TAX1BP1: variants seen among roughly 807,000 people sequenced by gnomAD.
TAX1BP1 encodes the protein tax1-binding protein 1.
TAX1BP1 carries 62 observed loss-of-function variants against 97.7 expected under a neutral mutation model. The observed-to-expected ratio is 0.63, with a 90% CI of 0.52 to 0.78. The LOEUF (loss-of-function observed/expected upper bound fraction) is 0.78. Ranked by LOEUF, TAX1BP1 falls within the 30% of genes least tolerant of loss-of-function variation. TAX1BP1 has a pLI of 0.00. For missense variants in TAX1BP1, 867 were observed against 916.1 expected (o/e 0.95, Z 0.69); for synonymous variants, 340 against 304.2 (o/e 1.12, Z -1.23).
rs1469308891 is a variant in TAX1BP1, at chr7:27,816,966, C to G, written c.2013C>G (p.Asp671Glu). 1.2e-6 allele frequency: 2 copies of G among 1,613,964 alleles called. No homozygotes were observed. Among genetic ancestry groups the G allele is most frequent in the Non-Finnish European group, 1.7e-6 (2 of 1,179,998 alleles). ...PVRVPSWGLE[D>E]NVVCSQPARN... ...GAGTCCCCTCTTGGGGACTGGAAGACAATGTTGTCTGCAGCCAGCCTGCTC... is the reference window on the plus strand; with the variant it reads ...GAGTCCCCTCTTGGGGACTGGAAGAGAATGTTGTCTGCAGCCAGCCTGCTC... The change falls in exon 15 of 17, where the codon GAC becomes GAG. Residue 671 changes from aspartate (D) to glutamate (E), a missense_variant. Asp to Glu is a conservative substitution (Grantham distance 45). Coordinates refer to ENST00000396319, the MANE Select transcript of TAX1BP1 (RefSeq NM_006024.7).
intron 12 of TAX1BP1, among the ~76,000 whole-genome samples, chr7:27,799,069 G>A (rs988648414): frequency 6.6e-6 from 1 of 152,002 alleles, no homozygotes; most frequent in African/African-American, 2.4e-5. Context: ...ACCTTCTAAG[G>A]AATGTTTGCC....
chr7:27,813,104 G>A (rs371671416), intron 13 of TAX1BP1, among the ~76,000 whole-genome samples: 3 of 146,264 alleles, frequency 2.1e-5, no homozygotes, highest in African/African-American at 5.0e-5. Flanking sequence ...TTTATAATAC[G>A]TCTTGAAATC....
chr7:27,749,806 T>C (rs766465028), intron 2 of TAX1BP1, among the ~76,000 whole-genome samples: 2 of 152,146 alleles, frequency 1.3e-5, no homozygotes, highest in Non-Finnish European at 2.9e-5. Flanking sequence ...TATTTCTTAT[T>C]TTTTGAGACA....
chr7:27,793,072 A>G lies in TAX1BP1; in HGVS notation c.1270A>G (p.Thr424Ala). Residue 424 changes from threonine (T) to alanine (A), a missense_variant, in exon 10 of 17, where the codon ACT (threonine) becomes GCT (alanine). By Grantham distance (58) the Thr-to-Ala change is moderately conservative (BLOSUM62 0). Coordinates refer to ENST00000396319, the MANE Select transcript of TAX1BP1 (RefSeq NM_006024.7). ...LNAMKKDQDK[T>A]DTLEHELRRE... ...AATGTTTGTTTCTTTCTAGGACAAG[A>G]CTGATACACTGGAACACGAACTAAG... 1.3e-6 allele frequency: 2 copies of G among 1,599,014 alleles called. No homozygotes were observed. The highest frequency in any genetic ancestry group is 8.5e-7 in the Non-Finnish European group (1 of 1,176,588).
intron 5 of TAX1BP1, among the ~76,000 whole-genome samples, chr7:27,777,092 A>C (rs1789062903): frequency 6.6e-6 from 1 of 152,080 alleles, no homozygotes; most frequent in African/African-American, 2.4e-5. Context: ...ATGTCCGTTC[A>C]TTAACTTGAT....
At chr7:27,804,700 A>G (rs780158254) in intron 13 of TAX1BP1, among the ~76,000 whole-genome samples, 5 of 152,200 alleles carry the variant, frequency 3.3e-5, no homozygotes, top group Admixed American at 1.3e-4. Flanking sequence ...CAGATGGGGA[A>G]TTGTCTACTT....
At chr7:27,790,027 T>G (rs2128317396) in intron 8 of TAX1BP1, among the ~76,000 whole-genome samples, 1 of 152,060 alleles carries the variant, frequency 6.6e-6, no homozygotes, top group African/African-American at 2.4e-5. Context: ...TTTGAGGTGA[T>G]GGTTATAAAA....
At chr7:27,801,282 T>C (rs1257834882) in intron 13 of TAX1BP1, among the ~76,000 whole-genome samples, 1 of 151,522 alleles carries the variant, frequency 6.6e-6, no homozygotes, top group African/African-American at 2.4e-5. Flanking sequence ...TTCTAAATGG[T>C]TTAAATATCA....
intron 5 of TAX1BP1, among the ~76,000 whole-genome samples, chr7:27,770,999 A>G (rs17155813): frequency 0.038 from 5,678 of 150,616 alleles, 328 homozygotes; most frequent in African/African-American, 0.13. Flanking sequence ...TTAAGGAACT[A>G]CTTTTTTCAT....
intron 7 of TAX1BP1, 141 bp downstream of exon 7, chr7:27,785,630 G>A (rs1789451352): frequency 1.5e-6 from 1 of 684,834 alleles, no homozygotes; most frequent in East Asian, 2.7e-5. Context: ...CAGTCAGGAT[G>A]TTGGCAAGGG....
In TAX1BP1 at chr7:27,790,088, T is replaced by C. The variant is rs1224275788; in HGVS notation, c.1039-1918T>C. On this transcript the variant is annotated intron_variant, in intron 8 of 16. Coordinates refer to ENST00000396319, the MANE Select transcript of TAX1BP1 (RefSeq NM_006024.7). ...AAAGTAAAATGTAATCCTCATCCCT[T>C]CTCAGATAAGTAAGTTATTATTGAA... 3.9e-5 allele frequency among the ~76,000 whole-genome samples: 6 copies of C among 151,988 alleles called. 1 individual carries two copies. The highest frequency in any genetic ancestry group is 7.4e-5 in the Non-Finnish European group (5 of 67,834).
intron 2 of TAX1BP1, among the ~76,000 whole-genome samples, chr7:27,751,168 G>T (rs777752923): frequency 6.6e-6 from 1 of 151,956 alleles, no homozygotes; most frequent in African/African-American, 2.4e-5. Context: ...TTTAAGGATT[G>T]TAAGTTTTCT....
At chr7:27,754,810 C>T (rs1229285978) in intron 2 of TAX1BP1, among the ~76,000 whole-genome samples, 1 of 152,074 alleles carries the variant, frequency 6.6e-6, no homozygotes, top group Non-Finnish European at 1.5e-5. Flanking sequence ...GTCTCCATCT[C>T]CTGACCTCGT....
chr7:27,758,289 G>C (rs903291231), intron 3 of TAX1BP1, 156 bp downstream of exon 3: 4 of 488,292 alleles, frequency 8.2e-6, no homozygotes, highest in South Asian at 3.8e-5. Context: ...GAATGTAACT[G>C]TCTGGTGTAG....
Position 27,799,364 on chromosome 7 carries a change from G to A in TAX1BP1, c.1639-601G>A, listed in dbSNP as rs1281587758. 3.9e-5 allele frequency among the ~76,000 whole-genome samples: 6 copies of A among 152,148 alleles called. No homozygotes were observed. The East Asian group carries it at 1.2e-3, about 29-fold the overall frequency. ...TGTAAGTCCTCCTTTAAGATAATCT[G>A]GGTTGTAGAGAAGAGCAATGTATAA... On this transcript the variant is annotated intron_variant, in intron 12 of 16. Transcript: ENST00000396319.
chr7:27,788,112 A>G (rs1048169383), intron 8 of TAX1BP1, among the ~76,000 whole-genome samples: 1 of 151,996 alleles, frequency 6.6e-6, no homozygotes, highest in African/African-American at 2.4e-5. Flanking sequence ...TTTTTATGAC[A>G]TTGATATTTT....
At position 27,769,674 on chromosome 7, in the gene TAX1BP1, A is replaced by G; in HGVS notation, c.454-2A>G. On this transcript the variant is annotated splice_acceptor_variant, in intron 4 of 16. Coordinates refer to ENST00000396319, the MANE Select transcript of TAX1BP1 (RefSeq NM_006024.7). LOFTEE classifies it high-confidence loss of function. ...AATTAATCTGAGTTTTTTGCTTTAT[A>G]GTTGAAAATTGAGAAAACCATGAAA... 6.3e-7 allele frequency: 1 copy of G among 1,596,296 alleles called. No individual in the cohort carries two copies. The highest frequency in any genetic ancestry group is 8.5e-7 in the Non-Finnish European group (1 of 1,173,856).
intron 2 of TAX1BP1, among the ~76,000 whole-genome samples, chr7:27,755,098 A>G (rs1583670498): frequency 6.6e-6 from 1 of 152,132 alleles, no homozygotes; most frequent in African/African-American, 2.4e-5. Flanking sequence ...TCCTAAAGGA[A>G]CTTTTCTAGT....
In TAX1BP1 at chr7:27,793,074, T is replaced by C; in HGVS notation, c.1272T>C (p.Thr424=). 1 of 1,600,438 alleles carries C rather than the reference T, an allele frequency of 6.2e-7. No individual in the cohort carries two copies. The highest frequency in any genetic ancestry group is 1.1e-5 in the South Asian group (1 of 87,710). Residue 424 remains threonine (T), a synonymous_variant, in exon 10 of 17, where the codon ACT becomes ACC. Transcript: ENST00000396319. ...TGTTTGTTTCTTTCTAGGACAAGACTGATACACTGGAACACGAACTAAGAA... is the reference window on the plus strand; with the variant it reads ...TGTTTGTTTCTTTCTAGGACAAGACCGATACACTGGAACACGAACTAAGAA... ...LNAMKKDQDK[T]DTLEHELRRE...
Sources: gnomAD v4.1 joint callset for allele counts (sites outside exome capture counted in the v4.1 genomes callset) on GRCh38, gnomAD v4.1.1 for gene constraint, MANE v1.5 for transcripts, NCBI Gene and HGNC (gene_info 2026-07-23, HGNC 2026-07-21) for gene names.